CDYL2: variants seen among roughly 807,000 people sequenced by gnomAD.
CDYL2 encodes the protein chromodomain Y like 2, also known as chromodomain Y-like protein 2.
A neutral mutation model predicts 49.4 loss-of-function variants in CDYL2; 23 were observed. The ratio of observed to expected loss-of-function variants is 0.47; its 90% CI spans 0.34 to 0.66. The LOEUF (loss-of-function observed/expected upper bound fraction) is 0.66, where lower values mean the gene tolerates loss of function less well. Among genes scored for constraint, CDYL2 ranks in the 30% least tolerant of loss-of-function variants. The pLI is 0.01. For synonymous variants in CDYL2, 360 were observed against 268.8 expected (o/e 1.34, Z -3.32); for missense variants, 678 against 656.4 (o/e 1.03, Z -0.36).
intron 1 of CDYL2, among the ~76,000 whole-genome samples, chr16:80,758,682 A>G (rs548247928): frequency 6.6e-6 from 1 of 151,534 alleles, no homozygotes; most frequent in Non-Finnish European, 1.5e-5. Context: ...AGCTGGGACT[A>G]CAGGCACCCG....
intron 2 of CDYL2, among the ~76,000 whole-genome samples, chr16:80,673,064 T>C (rs566828341): frequency 6.6e-6 from 1 of 152,292 alleles, no homozygotes; most frequent in East Asian, 1.9e-4. Context: ...ATGCCTGTAA[T>C]CCCAGCACTT....
intron 1 of CDYL2, among the ~76,000 whole-genome samples, chr16:80,746,783 A>C (rs1483558169): frequency 6.6e-6 from 1 of 152,160 alleles, no homozygotes; most frequent in Admixed American, 6.5e-5. Context: ...GAGACCACTC[A>C]CTAGGACACT....
rs1307616861 is a variant in CDYL2, at chr16:80,729,903, C to T, written c.25-44774G>A. The stretch of plus-strand genomic sequence containing the variant: ...AAATAAAGATGTTCTTTGAAACCAA[C>T]GAGAACAAAGACACAACATACCAGA... On this transcript the variant is annotated intron_variant, in intron 1 of 6. Transcript: ENST00000570137. Among the ~76,000 whole-genome samples the T allele has an allele frequency of 1.9e-4, 29 of 152,090 alleles. No homozygotes were observed. The East Asian group carries it at 4.6e-3, about 24-fold the overall frequency.
At chr16:80,778,553 A>G (rs1386949402) in intron 1 of CDYL2, among the ~76,000 whole-genome samples, 1 of 152,084 alleles carries the variant, frequency 6.6e-6, no homozygotes, top group Non-Finnish European at 1.5e-5. Flanking sequence ...AGAAAACTAG[A>G]AAACTTTCCT....
intron 1 of CDYL2, among the ~76,000 whole-genome samples, chr16:80,793,187 A>G (rs1405373378): frequency 4.6e-5 from 7 of 152,204 alleles, no homozygotes; most frequent in Admixed American, 3.3e-4. Context: ...CTGAGGCTAG[A>G]GTAGAAAGGC....
At chr16:80,753,878 T>C (rs1352352357) in intron 1 of CDYL2, among the ~76,000 whole-genome samples, 1 of 152,198 alleles carries the variant, frequency 6.6e-6, no homozygotes, top group Non-Finnish European at 1.5e-5. Flanking sequence ...TTATGATACA[T>C]ATTTCTTACA....
intron 1 of CDYL2, among the ~76,000 whole-genome samples, chr16:80,797,897 T>G (rs1311894321): frequency 3.3e-5 from 5 of 152,208 alleles, no homozygotes; most frequent in African/African-American, 1.2e-4. Flanking sequence ...ACTGTTAACT[T>G]TGAAGGACAA....
At chr16:80,686,787 T>G (rs1910212765) in intron 1 of CDYL2, among the ~76,000 whole-genome samples, 1 of 152,260 alleles carries the variant, frequency 6.6e-6, no homozygotes, top group African/African-American at 2.4e-5. Context: ...TAGACCATAC[T>G]GCCTCTTTAT....
intron 1 of CDYL2, among the ~76,000 whole-genome samples, chr16:80,735,894 G>A (rs78407176): frequency 0.019 from 2,840 of 152,306 alleles, 39 homozygotes; most frequent in East Asian, 0.067. Flanking sequence ...CCACATCCAA[G>A]GCTAGAGAGA....
At chr16:80,715,394 G>A (rs867087319) in intron 1 of CDYL2, among the ~76,000 whole-genome samples, 10 of 152,088 alleles carry the variant, frequency 6.6e-5, no homozygotes, top group South Asian at 2.1e-4. Context: ...TATCCAAGGC[G>A]AGGAGCCATT....
intron 2 of CDYL2, among the ~76,000 whole-genome samples, chr16:80,659,111 G>A (rs1908936186): frequency 1.4e-5 from 2 of 139,202 alleles, no homozygotes; most frequent in Admixed American, 7.3e-5. Flanking sequence ...ACAGACGGAT[G>A]GATGGATGAA....
rs1055221725 is a variant in CDYL2, at chr16:80,804,587, G to A, written c.-414C>T. On this transcript the variant is annotated 5_prime_UTR_variant, in exon 1 of 7. Transcript: ENST00000570137. Reference sequence around the variant, plus strand: ...CCCGGCGCCCGCCGCCGGCCCGGACGCTGCTGCCACTGGGCGAGTCCCCGC... The same window carrying A: ...CCCGGCGCCCGCCGCCGGCCCGGACACTGCTGCCACTGGGCGAGTCCCCGC... 2.8e-5 allele frequency among the ~76,000 whole-genome samples: 4 copies of A among 144,012 alleles called. No individual in the cohort carries two copies. Among genetic ancestry groups the A allele is most frequent in the Non-Finnish European group, 6.2e-5 (4 of 64,910 alleles). The allele number at this position is 144,012 out of a possible 152,430, so 94.5% of individuals were successfully genotyped here.
chr16:80,653,485 A>G (rs1010089394), intron 2 of CDYL2, among the ~76,000 whole-genome samples: 5 of 152,190 alleles, frequency 3.3e-5, no homozygotes, highest in Non-Finnish European at 5.9e-5. Flanking sequence ...AAAAGCAAAC[A>G]AACGAAAAAA....
chr16:80,701,924 G>C (rs1904303334), intron 1 of CDYL2, among the ~76,000 whole-genome samples: 1 of 152,174 alleles, frequency 6.6e-6, no homozygotes, highest in African/African-American at 2.4e-5. Context: ...TGTGAGTGTA[G>C]CATTAGGACA....
intron 1 of CDYL2, among the ~76,000 whole-genome samples, chr16:80,772,705 C>G (rs1007840096): frequency 1.8e-4 from 27 of 152,174 alleles, no homozygotes; most frequent in African/African-American, 6.0e-4. Context: ...CCCACCTCGG[C>G]CTCCCAAAGT....
intron 2 of CDYL2, among the ~76,000 whole-genome samples, chr16:80,635,362 A>T (rs1430251030): frequency 6.6e-6 from 1 of 152,212 alleles, no homozygotes; most frequent in Non-Finnish European, 1.5e-5. Flanking sequence ...AAACAACTTC[A>T]GCAAAGTCTC....
intron 2 of CDYL2, among the ~76,000 whole-genome samples, chr16:80,670,581 T>C (rs960683352): frequency 1.3e-5 from 2 of 152,106 alleles, no homozygotes; most frequent in Admixed American, 6.5e-5. Context: ...GTGGCTGACA[T>C]GGAGAAGGGA....
chr16:80,647,845 A>T (rs1456713012), intron 2 of CDYL2, among the ~76,000 whole-genome samples: 1 of 152,200 alleles, frequency 6.6e-6, no homozygotes, highest in Admixed American at 6.5e-5. Flanking sequence ...TAACCACAAT[A>T]GAATAAAAGT....
At chr16:80,704,708 G>C (rs1034321716) in intron 1 of CDYL2, among the ~76,000 whole-genome samples, 2 of 152,208 alleles carry the variant, frequency 1.3e-5, no homozygotes, top group African/African-American at 4.8e-5. Context: ...GGCAGTTCCA[G>C]TTAGAGGGAA....
Sources: allele counts gnomAD v4.1 joint callset (sites outside exome capture counted in the v4.1 genomes callset), GRCh38; gene constraint gnomAD v4.1.1; transcripts MANE v1.5; gene names NCBI Gene and HGNC (gene_info 2026-07-23, HGNC 2026-07-21).